CTDSPL2: variants seen among roughly 807,000 people sequenced by gnomAD.
The protein encoded by CTDSPL2 is CTD small phosphatase like 2.
A neutral mutation model predicts 60.0 loss-of-function variants in CTDSPL2; 5 were observed. That is an observed-to-expected ratio of 0.08 (90% CI 0.04 to 0.18). CTDSPL2 has a LOEUF of 0.18. CTDSPL2 is among the 10% of genes least tolerant of loss of function. The pLI, the probability that CTDSPL2 is intolerant of heterozygous loss-of-function variation, is 1.00. For missense variants in CTDSPL2, 370 were observed against 548.8 expected, an observed-to-expected ratio of 0.67 and a Z score of 3.26; for synonymous variants, 186 against 189.3, an observed-to-expected ratio of 0.98 and a Z score of 0.14.
intron 1 of CTDSPL2, among the ~76,000 whole-genome samples, chr15:44,431,874 C>G (rs979254053): frequency 1.3e-5 from 2 of 151,694 alleles, no homozygotes; most frequent in Non-Finnish European, 2.9e-5. Context: ...CCCACCACGA[C>G]GGCCGGCTAA....
intron 1 of CTDSPL2, among the ~76,000 whole-genome samples, chr15:44,437,747 TAAAGAG>T (rs2080005411): frequency 6.6e-6 from 1 of 152,122 alleles, no homozygotes; most frequent in Non-Finnish European, 1.5e-5. Context: ...CTAGTGCAAT[TAAAGAG>T]AAAGAAACAG....
intron 7 of CTDSPL2, among the ~76,000 whole-genome samples, chr15:44,498,587 A>G (rs866452933): frequency 6.6e-6 from 1 of 150,786 alleles, no homozygotes; most frequent in Non-Finnish European, 1.5e-5. Context: ...TCTCATTTCA[A>G]TTTTAAAAGG....
At chr15:44,516,359 T>C (rs992780302) in intron 10 of CTDSPL2, among the ~76,000 whole-genome samples, 1 of 152,226 alleles carries the variant, frequency 6.6e-6, no homozygotes, top group Non-Finnish European at 1.5e-5. Context: ...GTACCTTTAT[T>C]ATTCAGTGGT....
intron 1 of CTDSPL2, among the ~76,000 whole-genome samples, chr15:44,434,139 C>T (rs1304055394): frequency 6.6e-6 from 1 of 151,676 alleles, no homozygotes; most frequent in Non-Finnish European, 1.5e-5. Context: ...TGGTGGCTCA[C>T]GCTTGTAATC....
rs532309993 is a variant in CTDSPL2 at position 44,500,375 on chromosome 15, TATC to T, written c.969+565_969+567del. ...GACAGGTAACAGTGCAAAATACAAA[TATC>T]ATTAACATTTCACTGTGGATTATGT... is the stretch of plus-strand genomic sequence containing the variant. On this transcript the variant is annotated intron_variant, in intron 8 of 12. Coordinates refer to ENST00000260327, the MANE Select transcript of CTDSPL2 (RefSeq NM_016396.3). Among the ~76,000 whole-genome samples, 1,386 of 152,314 alleles carry T rather than the reference TATC, an allele frequency of 9.1e-3. 27 individuals carry two copies. The highest frequency in any genetic ancestry group is 0.032 in the African/African-American group (1,347 of 41,578).
rs189819256 is a variant in CTDSPL2, at chr15:44,526,248, A to C, written c.*2074A>C. ...CCTGCTCCCTTCCTTTTTATGCTCA[A>C]ACAGCGAAACCCAAAACTTAAAAGA... On this transcript the variant is annotated 3_prime_UTR_variant, in exon 13 of 13. Coordinates refer to ENST00000260327, the MANE Select transcript of CTDSPL2 (RefSeq NM_016396.3). 3.0e-4 allele frequency: 46 copies of C among 152,220 alleles called. No homozygotes were observed. Among genetic ancestry groups the C allele is most frequent in the Admixed American group, 2.9e-3 (45 of 15,272 alleles). The allele number at this position is 152,220 out of a possible 1,614,324, so 9.4% of individuals were successfully genotyped here. A position where few individuals can be genotyped will look rare whatever the true frequency, so the allele number is the denominator to read the frequency against.
In CTDSPL2 at chr15:44,463,749, TC is replaced by T. The variant is rs2080624860; in HGVS notation, c.186+4550del. Reference sequence around the variant, plus strand: ...ATAAACCATATTCTTAATCACATATTCTAAAATTGCGTTGAGTGTCTAGACA... The same window carrying T: ...ATAAACCATATTCTTAATCACATATTTAAAATTGCGTTGAGTGTCTAGACA... On this transcript the variant is annotated intron_variant, in intron 2 of 12. Transcript: ENST00000260327. 2.6e-5 allele frequency among the ~76,000 whole-genome samples: 4 copies of T among 152,336 alleles called. No homozygotes were observed. The South Asian group carries it at 8.3e-4, about 32-fold the overall frequency.
In CTDSPL2 at chr15:44,519,194, G is replaced by T; in HGVS notation, c.1138G>T (p.Val380Phe). 6.6e-7 allele frequency: 1 copy of T among 1,505,500 alleles called. No homozygotes were observed. The highest frequency in any genetic ancestry group is 1.5e-5 in the South Asian group (1 of 68,956). The allele number at this position is 1,505,500 out of a possible 1,614,324, so 93.3% of individuals were successfully genotyped here. Residue 380 changes from valine to phenylalanine, a missense_variant, in exon 11 of 13, where the codon GTT becomes TTT. Val to Phe is a conservative substitution (Grantham distance 50). This residue lies in a region of CTDSPL2 where 46 missense variants were observed against 126.0 expected (regional missense o/e 0.37). Transcript: ENST00000260327. ...VRHRLFREHC[V>F]CVQGNYIKDL... ...GCACCGGCTTTTCCGTGAACATTGT[G>T]TTTGTGTACAAGGAAACTATATAAA...
At chr15:44,513,227 A>G (rs1302716359) in intron 8 of CTDSPL2, among the ~76,000 whole-genome samples, 1 of 152,126 alleles carries the variant, frequency 6.6e-6, no homozygotes, top group East Asian at 1.9e-4. Context: ...GCACTTTGGG[A>G]GGCCAAGACG....
chr15:44,504,363 A>C (rs1322650147), intron 8 of CTDSPL2, among the ~76,000 whole-genome samples: 1 of 152,052 alleles, frequency 6.6e-6, no homozygotes, highest in Admixed American at 6.5e-5. Context: ...AAAGAAAAGA[A>C]AGAACAAGAG....
intron 2 of CTDSPL2, among the ~76,000 whole-genome samples, chr15:44,480,552 T>A (rs2081007818): frequency 6.6e-6 from 1 of 152,170 alleles, no homozygotes; most frequent in Admixed American, 6.6e-5. Flanking sequence ...ATTTTCCCCT[T>A]AATTACCTAT....
chr15:44,448,070 C>A, intron 1 of CTDSPL2: 1 of 243,804 alleles, frequency 4.1e-6, no homozygotes, highest in Non-Finnish European at 8.4e-6. Flanking sequence ...AGGCCAGTGG[C>A]CATGTGATCC....
intron 1 of CTDSPL2, among the ~76,000 whole-genome samples, chr15:44,457,615 G>T (rs1162097006): frequency 6.6e-6 from 1 of 151,876 alleles, no homozygotes; most frequent in East Asian, 1.9e-4. Flanking sequence ...GGGTGGTGCG[G>T]GGTGGGAGAG....
rs930926082 is a variant in CTDSPL2, at chr15:44,496,360, T to C, written c.692-20T>C. The C allele has an allele frequency of 2.6e-6, 4 of 1,564,506 alleles. No individual in the cohort carries two copies. Among genetic ancestry groups the C allele is most frequent in the Non-Finnish European group, 3.5e-6 (4 of 1,139,650 alleles). Reference sequence around the variant, plus strand: ...AGCATTAAGTAAAAGCAACATTTTTTCTTTCACTATGTTAAATAGCACCAG... The same window carrying C: ...AGCATTAAGTAAAAGCAACATTTTTCCTTTCACTATGTTAAATAGCACCAG... On this transcript the variant is annotated intron_variant, in intron 5 of 12. Transcript: ENST00000260327.
At chr15:44,513,111 C>A in intron 8 of CTDSPL2, among the ~76,000 whole-genome samples, 1 of 151,050 alleles carries the variant, frequency 6.6e-6, no homozygotes. Flanking sequence ...AACAAGTAAA[C>A]CTTTATCTAG....
intron 2 of CTDSPL2, among the ~76,000 whole-genome samples, chr15:44,460,236 G>T (rs1050908203): frequency 6.6e-6 from 1 of 151,966 alleles, no homozygotes; most frequent in African/African-American, 2.4e-5. Context: ...TCAGCCTCCC[G>T]AGTAGCTGGG....
intron 2 of CTDSPL2, 118 bp from the exon 3 acceptor site, chr15:44,484,106 T>C: frequency 1.1e-6 from 1 of 928,826 alleles, no homozygotes; most frequent in Non-Finnish European, 1.6e-6. Flanking sequence ...CATTTTGTTT[T>C]TCCTGGATAT....
At chr15:44,450,589 A>ATTTTTTTTTTTTTT (rs36016079) in intron 1 of CTDSPL2, among the ~76,000 whole-genome samples, 5 of 88,700 alleles carry the variant, frequency 5.6e-5, no homozygotes, top group African/African-American at 4.8e-5. Flanking sequence ...TATATTCTTA[A>ATTTTTTTTTTTTTT]TTTTTTTTTT....
At chr15:44,479,684 C>G (rs547795872) in intron 2 of CTDSPL2, among the ~76,000 whole-genome samples, 2 of 152,236 alleles carry the variant, frequency 1.3e-5, no homozygotes, top group South Asian at 4.1e-4. Flanking sequence ...GCTAGAATTA[C>G]AGGCCTCCAC....
Sources: allele counts gnomAD v4.1 joint callset (sites outside exome capture counted in the v4.1 genomes callset), GRCh38; gene constraint gnomAD v4.1.1; regional missense constraint gnomAD v4.1.1; transcripts MANE v1.5; gene names NCBI Gene and HGNC (gene_info 2026-07-23, HGNC 2026-07-21).